Variants in MARCHF1 observed in about 807,000 individuals in gnomAD.
MARCHF1 encodes E3 ubiquitin-protein ligase MARCHF1.
In MARCHF1, 40 loss-of-function variants were observed where a neutral mutation model predicts 54.2. The ratio of observed to expected loss-of-function variants is 0.74; its 90% CI spans 0.57 to 0.96. The LOEUF (loss-of-function observed/expected upper bound fraction) is 0.96, where lower values mean the gene tolerates loss of function less well. Among genes scored for constraint, MARCHF1 ranks in the 40% least tolerant of loss-of-function variants. The probability of loss-of-function intolerance (pLI) is 0.00; values close to 1 mark genes in which losing one functional copy is unlikely to be tolerated. For synonymous variants in MARCHF1, 236 were observed against 236.3 expected (o/e 1.00, Z 0.01); for missense variants, 586 against 656.5 (o/e 0.89, Z 1.17).
intron 1 of MARCHF1, among the ~76,000 whole-genome samples, chr4:164,118,381 C>T (rs1174070209): frequency 1.3e-5 from 2 of 149,830 alleles, no homozygotes; most frequent in Non-Finnish European, 3.0e-5. Flanking sequence ...TAGAAACATA[C>T]AAAGTTAAAA....
chr4:164,001,955 G>A (rs1358776858), intron 2 of MARCHF1, among the ~76,000 whole-genome samples: 1 of 151,794 alleles, frequency 6.6e-6, no homozygotes, highest in Non-Finnish European at 1.5e-5. Context: ...TTTAGCAAAT[G>A]AGAGAGCAGA....
chr4:163,955,266 G>A (rs963345973), intron 3 of MARCHF1, among the ~76,000 whole-genome samples: 22 of 144,168 alleles, frequency 1.5e-4, no homozygotes, highest in Admixed American at 1.3e-3. Flanking sequence ...AAGTCTAACA[G>A]TCCGGAGTAA....
chr4:164,039,998 T>C (rs1335209454), intron 2 of MARCHF1, among the ~76,000 whole-genome samples: 2 of 147,228 alleles, frequency 1.4e-5, no homozygotes, highest in Non-Finnish European at 3.0e-5. Flanking sequence ...CTATATATGC[T>C]TGTATATATA....
At position 163,872,999 on chromosome 4, in the gene MARCHF1, G is replaced by A. The variant is rs192387587; in HGVS notation, c.-38-18830C>T. Among the ~76,000 whole-genome samples the A allele has an allele frequency of 6.6e-3, 1,001 of 151,898 alleles. 11 individuals carry two copies. Among genetic ancestry groups the A allele is most frequent in the African/African-American group, 0.023 (941 of 41,362 alleles). ...GCGGAGCTTGCAGTGAGCCGAGATC[G>A]CGCCACTGCACTCCAGCCTGGGCGA... On this transcript the variant is annotated intron_variant, in intron 3 of 9. Coordinates refer to ENST00000514618, the MANE Select transcript of MARCHF1 (RefSeq NM_001394959.1).
chr4:164,075,466 C>T (rs922661124), intron 2 of MARCHF1, among the ~76,000 whole-genome samples: 3 of 152,198 alleles, frequency 2.0e-5, no homozygotes, highest in Non-Finnish European at 4.4e-5. Context: ...CTATGCAGCC[C>T]CAGGGTGTGG....
chr4:164,028,028 T>C (rs1048709734), intron 2 of MARCHF1, among the ~76,000 whole-genome samples: 1 of 151,922 alleles, frequency 6.6e-6, no homozygotes, highest in East Asian at 1.9e-4. Context: ...AACCACAATA[T>C]CTCATACTAG....
chr4:164,062,227 C>T (rs1039001502), intron 2 of MARCHF1, among the ~76,000 whole-genome samples: 1 of 152,162 alleles, frequency 6.6e-6, no homozygotes, highest in Non-Finnish European at 1.5e-5. Context: ...AATTCAGTCA[C>T]ATTGACAGGC....
At chr4:163,647,651 T>C (rs921981794) in intron 5 of MARCHF1, among the ~76,000 whole-genome samples, 1 of 151,648 alleles carries the variant, frequency 6.6e-6, no homozygotes, top group Non-Finnish European at 1.5e-5. Flanking sequence ...TAAACATACT[T>C]CTGAACAACC....
chr4:164,355,967 A>C (rs1448977272), intron 1 of MARCHF1, among the ~76,000 whole-genome samples: 1 of 124,252 alleles, frequency 8.0e-6, no homozygotes, highest in Non-Finnish European at 1.8e-5. Context: ...ACATGAACAG[A>C]CACTTCTCAA....
At chr4:163,939,116 G>T (rs564318403) in intron 3 of MARCHF1, among the ~76,000 whole-genome samples, 1 of 152,220 alleles carries the variant, frequency 6.6e-6, no homozygotes, top group East Asian at 1.9e-4. Flanking sequence ...TATTTGAAAT[G>T]CCCTGAGCAG....
chr4:163,652,048 CAT>C (rs1006789454), intron 5 of MARCHF1, among the ~76,000 whole-genome samples: 9 of 151,736 alleles, frequency 5.9e-5, no homozygotes, highest in East Asian at 1.9e-4. Flanking sequence ...GGCTTTTGCA[CAT>C]GTTATTCCCT....
chr4:164,382,435 C>G (rs1731395399), intron 1 of MARCHF1, among the ~76,000 whole-genome samples: 1 of 152,006 alleles, frequency 6.6e-6, no homozygotes, highest in South Asian at 2.1e-4. Flanking sequence ...GCTGGGATAC[C>G]AAACTGGTAT....
At chr4:164,336,429 T>C (rs1729740851) in intron 1 of MARCHF1, among the ~76,000 whole-genome samples, 1 of 152,226 alleles carries the variant, frequency 6.6e-6, no homozygotes, top group Non-Finnish European at 1.5e-5. Flanking sequence ...CAGAGGTCCC[T>C]AGCATCATTT....
Position 164,297,757 on chromosome 4 carries a change from A to G in MARCHF1, c.-323+86113T>C, listed in dbSNP as rs188101586. Among the ~76,000 whole-genome samples the G allele has an allele frequency of 7.9e-4, 121 of 152,314 alleles. No homozygotes were observed. In the Middle Eastern group the frequency reaches 0.01, roughly 13 times the overall value. On this transcript the variant is annotated intron_variant, in intron 1 of 9. Coordinates refer to ENST00000514618, the MANE Select transcript of MARCHF1 (RefSeq NM_001394959.1). The stretch of plus-strand genomic sequence containing the variant: ...CCATGGTTATCAGTGAATGAATACA[A>G]TACAGGAATTGTACTACCGTTGCAA...
At chr4:163,851,853 C>G in intron 4 of MARCHF1, among the ~76,000 whole-genome samples, 1 of 152,168 alleles carries the variant, frequency 6.6e-6, no homozygotes, top group East Asian at 1.9e-4. Flanking sequence ...AAGGCAGCAT[C>G]AAAAGATGGA....
Position 164,063,022 on chromosome 4 carries a change from C to T in MARCHF1, c.-248+48566G>A, listed in dbSNP as rs114811724. Among the ~76,000 whole-genome samples, 918 of 152,240 alleles carry T rather than the reference C, an allele frequency of 6.0e-3. 9 individuals carry two copies. The highest frequency in any genetic ancestry group is 0.021 in the African/African-American group (874 of 41,544). On this transcript the variant is annotated intron_variant, in intron 2 of 9. Transcript: ENST00000514618. ...CTTTGTGGTTTTTGCTTGTTGTTTT[C>T]TGAGCAGTTCTCAACATAGGGGTTA...
intron 5 of MARCHF1, among the ~76,000 whole-genome samples, chr4:163,691,137 A>C (rs1744436468): frequency 6.6e-6 from 1 of 152,190 alleles, no homozygotes; most frequent in South Asian, 2.1e-4. Flanking sequence ...TTCCAAGCTG[A>C]TGCCTCTCAA....
intron 1 of MARCHF1, among the ~76,000 whole-genome samples, chr4:164,302,844 G>A (rs1324118742): frequency 2.0e-5 from 3 of 146,826 alleles, no homozygotes; most frequent in Non-Finnish European, 4.5e-5. Flanking sequence ...ACTCCAGCCT[G>A]GGTGACAGAG....
chr4:163,648,758 T>C (rs1457971583), intron 5 of MARCHF1, among the ~76,000 whole-genome samples: 1 of 151,492 alleles, frequency 6.6e-6, no homozygotes, highest in African/African-American at 2.4e-5. Context: ...TAGTATTAAA[T>C]AGCAGTTCAA....
Sources: allele counts gnomAD v4.1 joint callset (sites outside exome capture counted in the v4.1 genomes callset), GRCh38; gene constraint gnomAD v4.1.1; transcripts MANE v1.5; gene names NCBI Gene and HGNC (gene_info 2026-07-23, HGNC 2026-07-21).